Variants in KHDRBS2 observed in about 807,000 individuals in gnomAD.
The protein encoded by KHDRBS2 is KH RNA binding domain containing, signal transduction associated 2.
KHDRBS2 carries 26 observed loss-of-function variants against 44.3 expected under a neutral mutation model. That is an observed-to-expected ratio of 0.59 (90% CI 0.43 to 0.81). The LOEUF is 0.81. Among genes scored for constraint, KHDRBS2 ranks in the 40% least tolerant of loss-of-function variants. The pLI is 0.00. For missense variants in KHDRBS2, 476 were observed against 433.1 expected (o/e 1.10, Z -0.88); for synonymous variants, 194 against 151.1 (o/e 1.28, Z -2.08).
chr6:61,850,381 A>G (rs1343232374), intron 6 of KHDRBS2, among the ~76,000 whole-genome samples: 1 of 152,124 alleles, frequency 6.6e-6, no homozygotes. Context: ...AAAAAAAAAT[A>G]GTCATTTTTA....
At chr6:62,003,591 A>G (rs1328682175) in intron 3 of KHDRBS2, among the ~76,000 whole-genome samples, 4 of 152,174 alleles carry the variant, frequency 2.6e-5, no homozygotes, top group African/African-American at 9.6e-5. Context: ...TCCACTGTCA[A>G]TATCAGACAG....
chr6:61,913,547 C>T (rs915512736), intron 4 of KHDRBS2, among the ~76,000 whole-genome samples: 3 of 151,230 alleles, frequency 2.0e-5, no homozygotes, highest in South Asian at 2.1e-4. Flanking sequence ...AATATGCTTG[C>T]TTATTTATAT....
chr6:62,239,190 C>T (rs1834184230), intron 1 of KHDRBS2, among the ~76,000 whole-genome samples: 1 of 152,162 alleles, frequency 6.6e-6, no homozygotes, highest in Non-Finnish European at 1.5e-5. Context: ...CTCAGGAATA[C>T]ATACTGAAAT....
chr6:62,085,632 A>G (rs1210191080), intron 2 of KHDRBS2, among the ~76,000 whole-genome samples: 1 of 152,134 alleles, frequency 6.6e-6, no homozygotes, highest in Non-Finnish European at 1.5e-5. Flanking sequence ...AAGTCCATGA[A>G]TCTTAGCTCT....
intron 1 of KHDRBS2, among the ~76,000 whole-genome samples, chr6:62,210,843 A>C (rs1338403510): frequency 6.6e-6 from 1 of 152,160 alleles, no homozygotes; most frequent in African/African-American, 2.4e-5. Flanking sequence ...GTTACCCTCT[A>C]AAATAAAGAT....
chr6:61,731,391 G>A (rs1393095808), intron 7 of KHDRBS2, among the ~76,000 whole-genome samples: 1 of 152,018 alleles, frequency 6.6e-6, no homozygotes, highest in African/African-American at 2.4e-5. Flanking sequence ...GTCAGCGATG[G>A]TCATTTCTAC....
intron 2 of KHDRBS2, among the ~76,000 whole-genome samples, chr6:62,127,318 C>T (rs1218970871): frequency 1.3e-5 from 2 of 152,040 alleles, no homozygotes; most frequent in African/African-American, 4.8e-5. Context: ...GGAGTATGGG[C>T]TTTCAAAAGG....
At chr6:61,608,550 T>C in the KHDRBS2 span, among the ~76,000 whole-genome samples, 2 of 152,158 alleles carry the variant, frequency 1.3e-5, no homozygotes, top group Admixed American at 6.6e-5. Context: ...CAACCCATCA[T>C]CTACATTAAG....
In KHDRBS2 at chr6:62,098,608, GAT is replaced by G. The variant is rs1291610059; in HGVS notation, c.220-50616_220-50615del. On this transcript the variant is annotated intron_variant, in intron 2 of 8. Coordinates refer to ENST00000281156, the MANE Select transcript of KHDRBS2 (RefSeq NM_152688.4). ...CTTCGACCTTTGAGAGATCAATTAT[GAT>G]ATGTCTTGGGGAACACTCATTTGAG... Among the ~76,000 whole-genome samples, 8 of 152,118 alleles carry G rather than the reference GAT, an allele frequency of 5.3e-5. No homozygotes were observed. The East Asian group carries it at 1.5e-3, about 29-fold the overall frequency.
intron 2 of KHDRBS2, among the ~76,000 whole-genome samples, chr6:62,102,355 C>T: frequency 6.6e-6 from 1 of 152,110 alleles, no homozygotes; most frequent in East Asian, 1.9e-4. Context: ...ATGGCTGGAC[C>T]AGGAGTACTG....
At chr6:62,064,449 C>T (rs1200608930) in intron 2 of KHDRBS2, among the ~76,000 whole-genome samples, 1 of 148,256 alleles carries the variant, frequency 6.7e-6, no homozygotes, top group African/African-American at 2.5e-5. Context: ...ATCAATGGAA[C>T]ACAACAGAGC....
downstream of KHDRBS2, among the ~76,000 whole-genome samples, chr6:61,678,282 T>C (rs554276193): frequency 5.9e-5 from 9 of 152,106 alleles, no homozygotes; most frequent in African/African-American, 2.2e-4. Context: ...TGAAGTTTAT[T>C]GGCTAAAGTT....
At chr6:61,581,574 C>T in the KHDRBS2 span, among the ~76,000 whole-genome samples, 1 of 91,716 alleles carries the variant, frequency 1.1e-5, no homozygotes, top group East Asian at 2.7e-4. Context: ...CAACAATATA[C>T]AATACACAAT....
At chr6:61,720,275 T>G (rs1309928456) in intron 7 of KHDRBS2, among the ~76,000 whole-genome samples, 1 of 152,112 alleles carries the variant, frequency 6.6e-6, no homozygotes, top group East Asian at 1.9e-4. Flanking sequence ...TGATTTAGAG[T>G]CCTTTGGGTA....
chr6:61,944,716 C>T (rs1016776533), intron 4 of KHDRBS2, among the ~76,000 whole-genome samples: 2 of 152,078 alleles, frequency 1.3e-5, no homozygotes, highest in African/African-American at 4.8e-5. Flanking sequence ...CCCAATTACC[C>T]TGACTTGATC....
chr6:61,574,401 A>C, the KHDRBS2 span: 2 of 1,523,276 alleles, frequency 1.3e-6, no homozygotes, highest in East Asian at 4.9e-5. Context: ...AGGCGGACAT[A>C]ATACAACAAG....
the KHDRBS2 span, among the ~76,000 whole-genome samples, chr6:61,665,154 T>C: frequency 6.6e-6 from 1 of 151,564 alleles, no homozygotes; most frequent in Non-Finnish European, 1.5e-5. Flanking sequence ...TAAAAATAAA[T>C]ATAGTATGTT....
chr6:61,935,483 T>G (rs184743155), intron 4 of KHDRBS2, among the ~76,000 whole-genome samples: 19 of 152,296 alleles, frequency 1.2e-4, no homozygotes, highest in African/African-American at 4.6e-4. Context: ...AACAATACTT[T>G]GCATTGCAGA....
chr6:62,192,189 T>C (rs368336495), intron 1 of KHDRBS2, among the ~76,000 whole-genome samples: 11 of 152,212 alleles, frequency 7.2e-5, no homozygotes, highest in African/African-American at 2.4e-4. Flanking sequence ...GCAATAAATC[T>C]GATTTTTTAA....
Sources: gnomAD v4.1 joint callset for allele counts (sites outside exome capture counted in the v4.1 genomes callset) on GRCh38, gnomAD v4.1.1 for gene constraint, MANE v1.5 for transcripts, NCBI Gene and HGNC (gene_info 2026-07-23, HGNC 2026-07-21) for gene names.